CC2D2A: variants seen among roughly 807,000 people sequenced by gnomAD.
The protein encoded by CC2D2A is coiled-coil and C2 domain containing 2A.
A neutral mutation model predicts 212.9 loss-of-function variants in CC2D2A; 155 were observed. That is an observed-to-expected ratio of 0.73 (90% CI 0.64 to 0.83). The LOEUF is 0.83. Ranked by LOEUF, CC2D2A falls within the 40% of genes least tolerant of loss-of-function variation. The probability of loss-of-function intolerance (pLI) is 0.00; values close to 1 mark genes in which losing one functional copy is unlikely to be tolerated. For synonymous variants in CC2D2A, 667 were observed against 686.5 expected (o/e 0.97, Z 0.44); for missense variants, 1,856 against 1,956.2 (o/e 0.95, Z 0.97).
At chr4:15,592,875 T>C (rs1721171483) in intron 33 of CC2D2A, among the ~76,000 whole-genome samples, 1 of 152,142 alleles carries the variant, frequency 6.6e-6, no homozygotes, top group South Asian at 2.1e-4. Context: ...CAAAACCAGC[T>C]CCCCTTCCTG....
At chr4:15,478,372 ATTG>A (rs1714380527) in intron 2 of CC2D2A, among the ~76,000 whole-genome samples, 1 of 152,148 alleles carries the variant, frequency 6.6e-6, no homozygotes, top group Non-Finnish European at 1.5e-5. Flanking sequence ...CCTTTCTTAG[ATTG>A]TAACTTTTAA....
chr4:15,482,128 G>T lies in CC2D2A; in HGVS notation c.247+1301G>T, dbSNP rs1387249181. On this transcript the variant is annotated intron_variant, in intron 4 of 36. Coordinates refer to ENST00000424120, the MANE Select transcript of CC2D2A (RefSeq NM_001378615.1). ...AGACTGTTTTCCCTATGGCAAAGTT[G>T]GGAAATAAGTAACTGTTGGAAACTA... is the stretch of plus-strand genomic sequence containing the variant. 1.2e-5 allele frequency: 12 copies of T among 985,268 alleles called. 1 individual carries two copies. Among genetic ancestry groups the T allele is most frequent in the African/African-American group, 8.7e-5 (5 of 57,222 alleles). The allele number at this position is 985,268 out of a possible 1,614,324, so 61.0% of individuals were successfully genotyped here.
chr4:15,597,846 C>T (rs1376279607), intron 35 of CC2D2A, among the ~76,000 whole-genome samples: 1 of 152,176 alleles, frequency 6.6e-6, no homozygotes, highest in Non-Finnish European at 1.5e-5. Flanking sequence ...CAGTAAGAGC[C>T]TGTATGAGTC....
intron 11 of CC2D2A, among the ~76,000 whole-genome samples, chr4:15,520,744 G>T (rs888468288): frequency 3.3e-5 from 5 of 152,094 alleles, no homozygotes; most frequent in African/African-American, 1.2e-4. Flanking sequence ...CATAAGCTAA[G>T]CGGCTCTGGT....
chr4:15,591,951 T>G (rs1392927227), intron 33 of CC2D2A, among the ~76,000 whole-genome samples: 1 of 152,216 alleles, frequency 6.6e-6, no homozygotes, highest in Non-Finnish European at 1.5e-5. Context: ...TATGATGTTG[T>G]GCATCCCCCA....
intron 35 of CC2D2A, among the ~76,000 whole-genome samples, chr4:15,599,239 CTG>C (rs1214552193): frequency 2.0e-5 from 3 of 152,166 alleles, no homozygotes; most frequent in African/African-American, 7.2e-5. Context: ...ACTCCCTCTT[CTG>C]TGTTACATTT....
chr4:15,516,739 G>A lies in CC2D2A; in HGVS notation c.1132G>A (p.Glu378Lys). Residue 378 changes from glutamate (E) to lysine (K), a missense_variant, in exon 11 of 37, where the codon GAA becomes AAA. Coordinates refer to ENST00000424120, the MANE Select transcript of CC2D2A (RefSeq NM_001378615.1). ...GGAGCAGAGCATTAAGGCAGAGCTT[G>A]AAACACTGTATAAAAAGGTAGACAC... The part of the protein sequence containing the change: ...TQEQSIKAEL[E>K]TLYKKAVKYV... 1 of 1,612,352 alleles carries A rather than the reference G, an allele frequency of 6.2e-7. No individual in the cohort carries two copies. The highest frequency in any genetic ancestry group is 8.5e-7 in the Non-Finnish European group (1 of 1,179,046).
At chr4:15,561,078 T>C (rs1309310158) in intron 23 of CC2D2A, among the ~76,000 whole-genome samples, 9 of 152,204 alleles carry the variant, frequency 5.9e-5, no homozygotes, top group East Asian at 3.8e-4. Context: ...CCACAGCTGG[T>C]GGGCAGAGAG....
intron 29 of CC2D2A, among the ~76,000 whole-genome samples, chr4:15,579,035 T>A (rs924493083): frequency 3.9e-5 from 6 of 152,302 alleles, no homozygotes; most frequent in Admixed American, 2.0e-4. Context: ...AAAAAAAATT[T>A]AAAAATATTT....
intron 6 of CC2D2A, among the ~76,000 whole-genome samples, chr4:15,503,834 G>A (rs1716110300): frequency 6.6e-6 from 1 of 152,188 alleles, no homozygotes; most frequent in Non-Finnish European, 1.5e-5. Flanking sequence ...TTTAGGAAGT[G>A]TTTCTACTGT....
chr4:15,570,433 T>C lies in CC2D2A; in HGVS notation c.3531T>C (p.Arg1177=). ...DRERGSGIHT[R]IERHWLGCVK... Reference sequence around the variant, plus strand: ...AAAGAGGAAGTGGAATCCATACTCGTATTGAGAGACACTGGCTGGGATGTG... The same window carrying C: ...AAAGAGGAAGTGGAATCCATACTCGCATTGAGAGACACTGGCTGGGATGTG... Residue 1177 remains arginine, a synonymous_variant, in exon 28 of 37, where the codon CGT becomes CGC. Transcript: ENST00000424120. The C allele has an allele frequency of 6.2e-7, 1 of 1,608,262 alleles. No homozygotes were observed. The highest frequency in any genetic ancestry group is 8.5e-7 in the Non-Finnish European group (1 of 1,176,452).
chr4:15,504,418 T>G (rs925692246), intron 6 of CC2D2A, among the ~76,000 whole-genome samples: 13 of 152,316 alleles, frequency 8.5e-5, no homozygotes, highest in Non-Finnish European at 1.2e-4. Context: ...CCCATCAGCT[T>G]GCCAAAAGAA....
Position 15,537,998 on chromosome 4 carries a change from C to G in CC2D2A, c.1864C>G (p.Pro622Ala), listed in dbSNP as rs1718227512. 1 of 1,609,900 alleles carries G rather than the reference C, an allele frequency of 6.2e-7. No individual in the cohort carries two copies. The highest frequency in any genetic ancestry group is 2.2e-5 in the East Asian group (1 of 44,730). The change falls in exon 16 of 37, where the codon CCA (proline) becomes GCA (alanine). Residue 622 changes from proline (P) to alanine (A), a missense_variant. Pro to Ala is a conservative substitution (Grantham distance 27). This residue lies in a region of CC2D2A where 1,512 missense variants were observed against 1,579.3 expected (regional missense o/e 0.96). Coordinates refer to ENST00000424120, the MANE Select transcript of CC2D2A (RefSeq NM_001378615.1). Reference sequence around the variant, plus strand: ...GGAGGACCTTGTGAAGCCCAGCCCTCCAGAGCCCACTGATCGGGCAGTGAT... The same window carrying G: ...GGAGGACCTTGTGAAGCCCAGCCCTGCAGAGCCCACTGATCGGGCAGTGAT... ...PEEDLVKPSP[P>A]EPTDRAVIEQ...
Position 15,480,688 on chromosome 4 carries a change from G to T in CC2D2A, c.124-16G>T. ...AAGTCCTGGGAGTCTCTGAACCTCT[G>T]ACCTTCTTCCTCCAGCCACCAACTG... On this transcript the variant is annotated splice_polypyrimidine_tract_variant and intron_variant, in intron 3 of 36. Coordinates refer to ENST00000424120, the MANE Select transcript of CC2D2A (RefSeq NM_001378615.1). The T allele has an allele frequency of 6.2e-7, 1 of 1,605,338 alleles. No individual in the cohort carries two copies. The highest frequency in any genetic ancestry group is 1.1e-5 in the South Asian group (1 of 89,276).
intron 2 of CC2D2A, among the ~76,000 whole-genome samples, chr4:15,477,663 T>C (rs2108968220): frequency 6.6e-6 from 1 of 152,268 alleles, no homozygotes; most frequent in East Asian, 1.9e-4. Context: ...CACTCCCTAT[T>C]AGTCAGGCCC....
In CC2D2A at chr4:15,572,878, G is replaced by A. The variant is rs115290953; in HGVS notation, c.3595-1272G>A. 2.6e-3 allele frequency among the ~76,000 whole-genome samples: 388 copies of A among 152,150 alleles called. 3 individuals carry two copies. The highest frequency in any genetic ancestry group is 8.9e-3 in the African/African-American group (369 of 41,486). Reference sequence around the variant, plus strand: ...GCCCTAGATCCCCTAGCAAACTACTGGTGTAAGTCCAAGAGTCCAAAAACT... The same window carrying A: ...GCCCTAGATCCCCTAGCAAACTACTAGTGTAAGTCCAAGAGTCCAAAAACT... On this transcript the variant is annotated intron_variant, in intron 28 of 36. Coordinates refer to ENST00000424120, the MANE Select transcript of CC2D2A (RefSeq NM_001378615.1).
intron 29 of CC2D2A, chr4:15,576,330 C>T: frequency 1.0e-6 from 1 of 972,006 alleles, no homozygotes; most frequent in Non-Finnish European, 1.2e-6. Context: ...ATTATAGGGT[C>T]AACAACCTGG....
intron 33 of CC2D2A, among the ~76,000 whole-genome samples, chr4:15,591,306 G>A (rs1260429495): frequency 2.7e-5 from 4 of 147,006 alleles, no homozygotes; most frequent in East Asian, 2.0e-4. Context: ...CGCAACCTCC[G>A]TCTCTCGGGT....
chr4:15,574,446 A>G (rs1175112709), intron 29 of CC2D2A, 120 bp downstream of exon 29: 11 of 708,152 alleles, frequency 1.6e-5, no homozygotes, highest in Non-Finnish European at 2.2e-5. Flanking sequence ...TTCAATCTCC[A>G]TTTATTATTC....
Sources: gnomAD v4.1 joint callset for allele counts (sites outside exome capture counted in the v4.1 genomes callset) on GRCh38, gnomAD v4.1.1 for gene constraint, gnomAD v4.1.1 regional missense constraint, MANE v1.5 for transcripts, NCBI Gene and HGNC (gene_info 2026-07-23, HGNC 2026-07-21) for gene names.